CAMSAP3: variants seen among roughly 807,000 people sequenced by gnomAD.
CAMSAP3 encodes the protein calmodulin-regulated spectrin-associated protein 3.
In CAMSAP3, 34 loss-of-function variants were observed where a neutral mutation model predicts 112.5. That is an observed-to-expected ratio of 0.30 (90% CI 0.23 to 0.40). The LOEUF is 0.40. Among genes scored for constraint, CAMSAP3 ranks in the 10% least tolerant of loss-of-function variants. CAMSAP3 has a pLI of 1.00. For synonymous variants in CAMSAP3, 868 were observed against 799.8 expected, an observed-to-expected ratio of 1.09 and a Z score of -1.44; for missense variants, 1,602 against 1,770.3, an observed-to-expected ratio of 0.90 and a Z score of 1.71.
Position 7,605,323 on chromosome 19 carries a change from G to C in CAMSAP3, c.246G>C (p.Glu82Asp). Residue 82 changes from glutamate to aspartate, a missense_variant, in exon 2 of 17, where the codon GAG (glutamate) becomes GAC (aspartate). Physicochemically the swap from Glu to Asp is conservative, Grantham distance 45. Transcript: ENST00000160298. The part of the protein sequence containing the change: ...PPVTRLLLSA[E>D]LYCRAWRQAL... ...TGACACGGCTGCTGCTCTCAGCCGA[G>C]CTCTACTGCAGAGCCTGGCGCCAGG... 1.2e-6 allele frequency: 2 copies of C among 1,610,904 alleles called. No homozygotes were observed. Among genetic ancestry groups the C allele is most frequent in the Non-Finnish European group, 1.7e-6 (2 of 1,178,708 alleles).
Position 7,611,364 on chromosome 19 carries a change from G to A in CAMSAP3, c.1124-153G>A, listed in dbSNP as rs189553603. Among the ~76,000 whole-genome samples the A allele has an allele frequency of 5.0e-4, 76 of 152,280 alleles. No individual in the cohort carries two copies. The East Asian group carries it at 8.3e-3, about 17-fold the overall frequency. ...CCGTAGTGACAGTAAATGGCCCCGG[G>A]TATCTGTTTCTGGAAACCTCTGGTC... is the stretch of plus-strand genomic sequence containing the variant. On this transcript the variant is annotated intron_variant, in intron 9 of 16. Transcript: ENST00000160298. This position sits in a 1 kb window ranked among gnomAD's most constrained non-coding sequence, Gnocchi z 6.9.
chr19:7,598,294 G>T (rs1224511858), intron 1 of CAMSAP3, among the ~76,000 whole-genome samples: 2 of 152,184 alleles, frequency 1.3e-5, no homozygotes, highest in Non-Finnish European at 2.9e-5. Flanking sequence ...GGCTCGGAGT[G>T]TGGACCAGCA....
In CAMSAP3 at chr19:7,611,954, C is replaced by T. The variant is rs2030514905; in HGVS notation, c.1461C>T (p.Ser487=). The T allele has an allele frequency of 6.2e-7, 1 of 1,609,656 alleles. No homozygotes were observed. Among genetic ancestry groups the T allele is most frequent in the Non-Finnish European group, 8.5e-7 (1 of 1,178,562 alleles). The part of the protein sequence containing the change: ...GAADGSFYLH[S]PEGPSKPSLA... ...CCGACGGCAGCTTCTACCTCCACTC[C>T]CCTGAGGGGCCCTCCAAGCCATCCC... The change falls in exon 11 of 17, where the codon TCC becomes TCT. Residue 487 remains serine (S), a synonymous_variant. Coordinates refer to ENST00000160298, the MANE Select transcript of CAMSAP3 (RefSeq NM_020902.2). The surrounding 1 kb of genome is among the most constrained non-coding windows in gnomAD (Gnocchi z 6.9).
At position 7,612,196 on chromosome 19, in the gene CAMSAP3, C is replaced by T; in HGVS notation, c.1703C>T (p.Ala568Val). The stretch of plus-strand genomic sequence containing the variant: ...TCCGAGGTGAAAATGACCAGCTTTG[C>T]AGAACGCAAGAAACAGCTGGTGAAG... ...TNSEVKMTSF[A>V]ERKKQLVKAE... Residue 568 changes from alanine (A) to valine (V), a missense_variant, in exon 11 of 17, where the codon GCA (alanine) becomes GTA (valine). By Grantham distance (64) the Ala-to-Val change is moderately conservative (BLOSUM62 0). Transcript: ENST00000160298. 1.2e-6 allele frequency: 2 copies of T among 1,606,650 alleles called. No individual in the cohort carries two copies. Among genetic ancestry groups the T allele is most frequent in the Middle Eastern group, 1.7e-4 (1 of 6,048 alleles).
intron 1 of CAMSAP3, among the ~76,000 whole-genome samples, chr19:7,602,271 C>T (rs1230988997): frequency 6.6e-6 from 1 of 152,090 alleles, no homozygotes; most frequent in Non-Finnish European, 1.5e-5. Flanking sequence ...GGACAGCATC[C>T]CCTGAATACA....
chr19:7,607,742 C>T lies in CAMSAP3; in HGVS notation c.622-384C>T. 1 of 562,142 alleles carries T rather than the reference C, an allele frequency of 1.8e-6. No homozygotes were observed. Among genetic ancestry groups the T allele is most frequent in the South Asian group, 2.6e-5 (1 of 39,158 alleles). The allele number at this position is 562,142 out of a possible 1,614,324, so 34.8% of individuals were successfully genotyped here. ...CTCAGGACCAGGGTCAGGGCTACCC[C>T]CTCCCCCCCAAGGTGGGCTTGGGGG... On this transcript the variant is annotated intron_variant, in intron 4 of 16. Transcript: ENST00000160298. The surrounding 1 kb of genome is among the most constrained non-coding windows in gnomAD (Gnocchi z 4.9).
intron 1 of CAMSAP3, among the ~76,000 whole-genome samples, chr19:7,604,737 T>C (rs2030119051): frequency 6.6e-6 from 1 of 152,110 alleles, no homozygotes; most frequent in African/African-American, 2.4e-5. Context: ...GCAAGGGACT[T>C]TCCTTCTCTG....
intron 1 of CAMSAP3, among the ~76,000 whole-genome samples, chr19:7,602,672 G>C (rs1448322062): frequency 3.3e-5 from 5 of 151,476 alleles, no homozygotes; most frequent in African/African-American, 9.7e-5. Flanking sequence ...CCAGGGTGCA[G>C]TGGGGCCCGT....
At chr19:7,600,638 T>C (rs567342436) in intron 1 of CAMSAP3, among the ~76,000 whole-genome samples, 4 of 32,136 alleles carry the variant, frequency 1.2e-4, no homozygotes, top group Admixed American at 4.4e-4. Context: ...ACCCACCCAC[T>C]TATCCATCCA....
At position 7,615,554 on chromosome 19, in the gene CAMSAP3, G is replaced by C. The variant is rs936844181; in HGVS notation, c.2947G>C (p.Glu983Gln). The C allele has an allele frequency of 5.2e-6, 8 of 1,524,508 alleles. No homozygotes were observed. The highest frequency in any genetic ancestry group is 2.1e-5 in the Admixed American group (1 of 47,662). The allele number at this position is 1,524,508 out of a possible 1,614,324, so 94.4% of individuals were successfully genotyped here. A position where few individuals can be genotyped will look rare whatever the true frequency, so the allele number is the denominator to read the frequency against. Residue 983 changes from glutamate (E) to glutamine (Q), a missense_variant, in exon 13 of 17, where the codon GAG becomes CAG. This residue lies in a region of CAMSAP3 where 1,100 missense variants were observed against 1,135.7 expected (regional missense o/e 0.97). Coordinates refer to ENST00000160298, the MANE Select transcript of CAMSAP3 (RefSeq NM_020902.2). The surrounding 1 kb of genome is among the most constrained non-coding windows in gnomAD (Gnocchi z 6.5). ...RKGDFTRQEY[E>Q]RRAQLKLMDD... ...GGGGGACTTCACGCGGCAGGAGTAC[G>C]AGCGCCGGGCCCAGCTGAAGCTGAT...
In CAMSAP3 at chr19:7,615,855, G is replaced by C; in HGVS notation, c.3112+136G>C. ...GAGGGGGCGGGTATGTGGGGTGACA[G>C]GGGGCCTCAGGTGGGGTTGGACACT... is the stretch of plus-strand genomic sequence containing the variant. On this transcript the variant is annotated intron_variant, in intron 13 of 16. Coordinates refer to ENST00000160298, the MANE Select transcript of CAMSAP3 (RefSeq NM_020902.2). The surrounding 1 kb of genome is among the most constrained non-coding windows in gnomAD (Gnocchi z 6.5). 1 of 652,590 alleles carries C rather than the reference G, an allele frequency of 1.5e-6. No homozygotes were observed. 40.4% of individuals were successfully genotyped at this position (652,590 alleles called of 1,614,324 possible). A position where few individuals can be genotyped will look rare whatever the true frequency, so the allele number is the denominator to read the frequency against.
rs899329960 is a variant in CAMSAP3, at chr19:7,607,217, C to A, written c.621+646C>A. Among the ~76,000 whole-genome samples, 4 of 152,160 alleles carry A rather than the reference C, an allele frequency of 2.6e-5. No individual in the cohort carries two copies. Among genetic ancestry groups the A allele is most frequent in the African/African-American group, 9.7e-5 (4 of 41,440 alleles). On this transcript the variant is annotated intron_variant, in intron 4 of 16. Transcript: ENST00000160298. The surrounding 1 kb of genome is among the most constrained non-coding windows in gnomAD (Gnocchi z 4.9). The stretch of plus-strand genomic sequence containing the variant: ...AAACGTGGATCCTGACCCTAGCAGG[C>A]AGGGCACCCTCTGGCCAAGGGGAAG...
intron 1 of CAMSAP3, among the ~76,000 whole-genome samples, chr19:7,596,927 G>A (rs1674033): frequency 0.79 from 119,842 of 152,024 alleles, 47,862 homozygotes; most frequent in African/African-American, 0.88. Context: ...TTGCCTGAGA[G>A]CCCGAGCCAC....
At chr19:7,616,144 A>C (rs2030776085) in intron 13 of CAMSAP3, among the ~76,000 whole-genome samples, 3 of 149,566 alleles carry the variant, frequency 2.0e-5, no homozygotes, top group Admixed American at 6.7e-5. Flanking sequence ...CCAAGATTGC[A>C]CCACTGTACT....
chr19:7,611,293 C>A lies in CAMSAP3; in HGVS notation c.1123+125C>A. The stretch of plus-strand genomic sequence containing the variant: ...TCTCCATCAGATCCCCCTTGGGCAT[C>A]CCAAAGTGACCCCCAGAATGGCCTC... On this transcript the variant is annotated intron_variant, in intron 9 of 16. Coordinates refer to ENST00000160298, the MANE Select transcript of CAMSAP3 (RefSeq NM_020902.2). The surrounding 1 kb of genome is among the most constrained non-coding windows in gnomAD (Gnocchi z 6.9). 1 of 990,028 alleles carries A rather than the reference C, an allele frequency of 1.0e-6. No homozygotes were observed. Among genetic ancestry groups the A allele is most frequent in the Non-Finnish European group, 1.5e-6 (1 of 655,436 alleles). 61.3% of individuals were successfully genotyped at this position (990,028 alleles called of 1,614,324 possible).
In CAMSAP3 at chr19:7,610,840, GCCAAACCCC is replaced by G; in HGVS notation, c.995-35_995-27del. 6.2e-7 allele frequency: 1 copy of G among 1,609,650 alleles called. No individual in the cohort carries two copies. The highest frequency in any genetic ancestry group is 1.1e-5 in the South Asian group (1 of 90,868). ...GGCCGGGTCGGGGGCGGGTGGGAGA[GCCAAACCCC>G]CGCCTGACCCTCTTCTCTGTACTGC... On this transcript the variant is annotated intron_variant, in intron 7 of 16. Coordinates refer to ENST00000160298, the MANE Select transcript of CAMSAP3 (RefSeq NM_020902.2). The surrounding 1 kb of genome is among the most constrained non-coding windows in gnomAD (Gnocchi z 4.9).
chr19:7,610,233 A>G lies in CAMSAP3; in HGVS notation c.761-243A>G, dbSNP rs1192858270. On this transcript the variant is annotated intron_variant, in intron 5 of 16. Coordinates refer to ENST00000160298, the MANE Select transcript of CAMSAP3 (RefSeq NM_020902.2). This position sits in a 1 kb window ranked among gnomAD's most constrained non-coding sequence, Gnocchi z 4.9. ...CTCAGGAGGCTGAGGTGGGAGAATC[A>G]CTTGAACCCGGGAGGCAGAGGTTGC... 6.6e-6 allele frequency among the ~76,000 whole-genome samples: 1 copy of G among 151,160 alleles called. No homozygotes were observed. Among genetic ancestry groups the G allele is most frequent in the Non-Finnish European group, 1.5e-5 (1 of 67,816 alleles).
Position 7,607,882 on chromosome 19 carries a change from C to A in CAMSAP3, c.622-244C>A. 2 of 1,082,310 alleles carry A rather than the reference C, an allele frequency of 1.8e-6. No homozygotes were observed. The highest frequency in any genetic ancestry group is 1.4e-5 in the South Asian group (1 of 69,360). The allele number at this position is 1,082,310 out of a possible 1,614,324, so 67.0% of individuals were successfully genotyped here. On this transcript the variant is annotated intron_variant, in intron 4 of 16. Coordinates refer to ENST00000160298, the MANE Select transcript of CAMSAP3 (RefSeq NM_020902.2). This position sits in a 1 kb window ranked among gnomAD's most constrained non-coding sequence, Gnocchi z 4.9. ...AAACCCCCCATGGTAATGTATCCCC[C>A]GCCCCGGGGTCCCAGGAGTCCCTGT... is the stretch of plus-strand genomic sequence containing the variant.
intron 11 of CAMSAP3, chr19:7,614,932 T>A: frequency 1.7e-6 from 1 of 582,668 alleles, no homozygotes. Context: ...CACTCACTGC[T>A]GTCTGCTGCT....
Sources: gnomAD v4.1 joint callset for allele counts (sites outside exome capture counted in the v4.1 genomes callset) on GRCh38, gnomAD v4.1.1 for gene constraint, gnomAD v4.1.1 regional missense constraint, Gnocchi (gnomAD v3.1) non-coding constraint, MANE v1.5 for transcripts, NCBI Gene and HGNC (gene_info 2026-07-23, HGNC 2026-07-21) for gene names.